TMPRSS7: variants seen among roughly 807,000 people sequenced by gnomAD.
TMPRSS7 encodes transmembrane serine protease 7.
Under a neutral mutation model 95.6 loss-of-function variants are expected in TMPRSS7, and 81 were observed. That is an observed-to-expected ratio of 0.85 (90% CI 0.71 to 1.02). The LOEUF is 1.02. Among genes scored for constraint, TMPRSS7 ranks in the 50% least tolerant of loss-of-function variants. TMPRSS7 has a pLI of 0.00. For synonymous variants in TMPRSS7, 364 were observed against 337.8 expected, an observed-to-expected ratio of 1.08 and a Z score of -0.85; for missense variants, 945 against 955.2, an observed-to-expected ratio of 0.99 and a Z score of 0.14.
chr3:112,042,764 T>C (rs1296794480), intron 3 of TMPRSS7, among the ~76,000 whole-genome samples: 2 of 152,256 alleles, frequency 1.3e-5, no homozygotes, highest in Non-Finnish European at 2.9e-5. Context: ...CTATAGATAA[T>C]GTGACAGCAA....
rs766098847 is a variant in TMPRSS7, at chr3:112,049,832, A to T, written c.960-12A>T. The T allele has an allele frequency of 4.0e-6, 6 of 1,509,024 alleles. No individual in the cohort carries two copies. In the South Asian group the frequency reaches 6.7e-5, roughly 17 times the overall value. The allele number at this position is 1,509,024 out of a possible 1,614,324, so 93.5% of individuals were successfully genotyped here. On this transcript the variant is annotated splice_polypyrimidine_tract_variant and intron_variant, in intron 7 of 17. Transcript: ENST00000452346. Reference sequence around the variant, plus strand: ...ATTATTCATGTACTTTTGTTTTATTATCTGCTTTCAGAATTTGTGAACCCA... The same window carrying T: ...ATTATTCATGTACTTTTGTTTTATTTTCTGCTTTCAGAATTTGTGAACCCA...
chr3:112,060,264 C>T (rs932884913), intron 10 of TMPRSS7, among the ~76,000 whole-genome samples: 1 of 152,158 alleles, frequency 6.6e-6, no homozygotes, highest in African/African-American at 2.4e-5. Flanking sequence ...ATTAAAATTG[C>T]TAATGAAGTT....
chr3:112,080,881 T>A (rs1312696153), intron 17 of TMPRSS7, 33 bp from the exon 18 acceptor site: 1 of 1,584,820 alleles, frequency 6.3e-7, no homozygotes. Flanking sequence ...ATGGGACCAA[T>A]TTACTTTATA....
chr3:112,064,323 A>T (rs2073548667), intron 12 of TMPRSS7, among the ~76,000 whole-genome samples: 1 of 150,270 alleles, frequency 6.7e-6, no homozygotes, highest in African/African-American at 2.5e-5. Flanking sequence ...TTGTAAATAA[A>T]AGAGAACGGG....
chr3:112,079,016 C>T, intron 17 of TMPRSS7, 138 bp downstream of exon 17: 1 of 978,978 alleles, frequency 1.0e-6, no homozygotes, highest in African/African-American at 1.6e-5. Context: ...TATTATTTAT[C>T]ATCCAATTGC....
At chr3:112,068,789 C>G (rs1400643545) in intron 13 of TMPRSS7, among the ~76,000 whole-genome samples, 1 of 152,196 alleles carries the variant, frequency 6.6e-6, no homozygotes, top group Non-Finnish European at 1.5e-5. Context: ...TTGACTTCCT[C>G]TTTTCCTAAT....
intron 12 of TMPRSS7, among the ~76,000 whole-genome samples, chr3:112,064,447 C>G (rs1480096031): frequency 6.6e-6 from 1 of 151,988 alleles, no homozygotes; most frequent in Non-Finnish European, 1.5e-5. Flanking sequence ...TTCCTGGACT[C>G]AAGCGATCCT....
At chr3:112,057,084 G>T in exon 10 of TMPRSS7, 1 of 1,613,558 alleles carries the variant, frequency 6.2e-7, no homozygotes, top group African/African-American at 1.3e-5. Context: ...TAACCAAGAA[G>T]AGTATGAAAG....
chr3:112,070,155 TC>T (rs1369243862), intron 13 of TMPRSS7, among the ~76,000 whole-genome samples: 1 of 152,230 alleles, frequency 6.6e-6, no homozygotes, highest in Non-Finnish European at 1.5e-5. Flanking sequence ...AGTTTTTTAA[TC>T]CTGAGATTTA....
intron 16 of TMPRSS7, among the ~76,000 whole-genome samples, chr3:112,077,961 G>A (rs1296245362): frequency 6.6e-6 from 1 of 152,146 alleles, no homozygotes. Context: ...TTTAGGACAC[G>A]TACAGCATCT....
chr3:112,052,511 T>G (rs2073376657), intron 9 of TMPRSS7, among the ~76,000 whole-genome samples: 1 of 151,916 alleles, frequency 6.6e-6, no homozygotes, highest in African/African-American at 2.4e-5. Flanking sequence ...CCAAAGTAAT[T>G]AAGAGATAAA....
In TMPRSS7 at chr3:112,045,711, CCT is replaced by C. The variant is rs532108333; in HGVS notation, c.498-38_498-37del. ...TCTGGGTATTTCTTCTCTGTAAAGT[CCT>C]ATGAGGTCCCTGATGATCTCTCTTT... is the stretch of plus-strand genomic sequence containing the variant. On this transcript the variant is annotated intron_variant, in intron 4 of 17. Coordinates refer to ENST00000452346, the Ensembl canonical transcript of TMPRSS7. 1,311 of 1,513,178 alleles carry C rather than the reference CCT, an allele frequency of 8.7e-4. 13 individuals are homozygous for C. In the African/African-American group the frequency reaches 0.017, roughly 19 times the overall value. The allele number at this position is 1,513,178 out of a possible 1,614,324, so 93.7% of individuals were successfully genotyped here.
chr3:112,072,775 G>A (rs1216106204), intron 13 of TMPRSS7, among the ~76,000 whole-genome samples: 2 of 152,250 alleles, frequency 1.3e-5, no homozygotes, highest in Non-Finnish European at 2.9e-5. Context: ...GACCTGCCAA[G>A]CCAGGCATAT....
chr3:112,048,121 T>C (rs1392779929), intron 7 of TMPRSS7, among the ~76,000 whole-genome samples, 154 bp downstream of exon 7: 1 of 152,208 alleles, frequency 6.6e-6, no homozygotes, highest in African/African-American at 2.4e-5. Flanking sequence ...GTATCCCCTA[T>C]ACTTTAGTAC....
intron 13 of TMPRSS7, among the ~76,000 whole-genome samples, chr3:112,071,121 G>A (rs1017438185): frequency 8.5e-5 from 13 of 152,208 alleles, no homozygotes; most frequent in African/African-American, 2.9e-4. Context: ...TCCTTCAGGA[G>A]CTCTTGTAAG....
At chr3:112,040,842 G>A (rs1019969036) in intron 2 of TMPRSS7, among the ~76,000 whole-genome samples, 1 of 152,082 alleles carries the variant, frequency 6.6e-6, no homozygotes, top group Non-Finnish European at 1.5e-5. Context: ...GGGCATGGAG[G>A]GTGGCCTTGA....
intron 9 of TMPRSS7, among the ~76,000 whole-genome samples, chr3:112,053,151 T>C (rs1404010478): frequency 6.8e-6 from 1 of 147,268 alleles, no homozygotes; most frequent in Non-Finnish European, 1.5e-5. Context: ...AAATTGACTT[T>C]TTTTTTCACC....
chr3:112,053,024 T>C (rs1265911432), intron 9 of TMPRSS7, among the ~76,000 whole-genome samples: 2 of 152,130 alleles, frequency 1.3e-5, no homozygotes, highest in Non-Finnish European at 2.9e-5. Flanking sequence ...GTGTTAGCTG[T>C]TGTCATCTCT....
intron 9 of TMPRSS7, among the ~76,000 whole-genome samples, chr3:112,055,454 G>GACAC (rs142185504): frequency 0.36 from 52,935 of 148,796 alleles, 10,460 homozygotes; most frequent in Non-Finnish European, 0.44. Flanking sequence ...CACTTGCGCA[G>GACAC]ACACACACAC....
Sources: gnomAD v4.1 joint callset for allele counts (sites outside exome capture counted in the v4.1 genomes callset) on GRCh38, gnomAD v4.1.1 for gene constraint, MANE v1.5 for transcripts, NCBI Gene and HGNC (gene_info 2026-07-23, HGNC 2026-07-21) for gene names.